The following TAFA2 variants were observed in gnomAD, a reference collection of about 807,000 sequenced individuals.
TAFA2 encodes TAFA chemokine like family member 2.
In TAFA2, 7 loss-of-function variants were observed where a neutral mutation model predicts 18.8. The observed-to-expected ratio is 0.37, with a 90% CI of 0.21 to 0.70. TAFA2 has a LOEUF of 0.70. TAFA2 is among the 30% of genes least tolerant of loss of function. The probability of loss-of-function intolerance (pLI) is 0.53; values close to 1 mark genes in which losing one functional copy is unlikely to be tolerated. For synonymous variants in TAFA2, 60 were observed against 54.2 expected (o/e 1.11, Z -0.47); for missense variants, 122 against 158.1 (o/e 0.77, Z 1.23).
At chr12:62,208,400 T>G (rs774696157) in intron 1 of TAFA2, among the ~76,000 whole-genome samples, 17 of 152,296 alleles carry the variant, frequency 1.1e-4, no homozygotes, top group Middle Eastern at 3.4e-3. Context: ...CATTAGGTTC[T>G]ATGAATATTG....
chr12:61,928,345 A>G (rs994425963), intron 1 of TAFA2, among the ~76,000 whole-genome samples: 1 of 152,222 alleles, frequency 6.6e-6, no homozygotes, highest in Non-Finnish European at 1.5e-5. Flanking sequence ...CCTATCAAAA[A>G]GTGGGCAAAA....
chr12:62,052,138 A>G (rs1882070684), intron 1 of TAFA2, among the ~76,000 whole-genome samples: 2 of 151,912 alleles, frequency 1.3e-5, no homozygotes, highest in Non-Finnish European at 2.9e-5. Flanking sequence ...GACATTTACC[A>G]ATGTCTCTTC....
At position 61,971,966 on chromosome 12, in the gene TAFA2, A is replaced by G. The variant is rs553540533; in HGVS notation, c.-1-104540T>C. On this transcript the variant is annotated intron_variant, in intron 1 of 4. Transcript: ENST00000416284. ...ATTGAGAGTCCAGAAATAAATCTAA[A>G]CAGCCATTGTAAATTGATTTCAACA... Among the ~76,000 whole-genome samples, 342 of 151,850 alleles carry G rather than the reference A, an allele frequency of 2.3e-3. 2 individuals carry two copies. Among genetic ancestry groups the G allele is most frequent in the Non-Finnish European group, 4.1e-3 (279 of 67,788 alleles).
chr12:61,849,448 G>T (rs1412589060), intron 2 of TAFA2, among the ~76,000 whole-genome samples: 1 of 152,274 alleles, frequency 6.6e-6, no homozygotes, highest in Admixed American at 6.5e-5. Flanking sequence ...CACTCATTTT[G>T]CTTGGTAAAT....
chr12:61,875,566 A>G (rs781366024), intron 1 of TAFA2, among the ~76,000 whole-genome samples: 4 of 152,146 alleles, frequency 2.6e-5, no homozygotes, highest in Non-Finnish European at 4.4e-5. Flanking sequence ...AATATAAAAT[A>G]TGTTAGAGCT....
At chr12:62,021,314 C>T (rs1881128017) in intron 1 of TAFA2, among the ~76,000 whole-genome samples, 1 of 151,904 alleles carries the variant, frequency 6.6e-6, no homozygotes, top group African/African-American at 2.4e-5. Flanking sequence ...TTTTGAGGAA[C>T]AGATCGTGTT....
chr12:62,196,866 A>G (rs2062651029), upstream of TAFA2, among the ~76,000 whole-genome samples: 1 of 152,230 alleles, frequency 6.6e-6, no homozygotes, highest in Non-Finnish European at 1.5e-5. Context: ...TTGTAAAAAT[A>G]AAAGAAAATA....
At chr12:61,723,113 G>A (rs1232894157) in intron 4 of TAFA2, among the ~76,000 whole-genome samples, 1 of 151,964 alleles carries the variant, frequency 6.6e-6, no homozygotes, top group Non-Finnish European at 1.5e-5. Context: ...TTTTAGCTTT[G>A]CCTAAAATAC....
chr12:61,926,126 A>G (rs953960429), intron 1 of TAFA2, among the ~76,000 whole-genome samples: 16 of 152,228 alleles, frequency 1.1e-4, no homozygotes, highest in African/African-American at 3.9e-4. Flanking sequence ...TCCTGGTCAC[A>G]TATACCCTTC....
intron 1 of TAFA2, among the ~76,000 whole-genome samples, chr12:62,134,826 A>G (rs1870832258): frequency 6.6e-6 from 1 of 151,920 alleles, no homozygotes; most frequent in Non-Finnish European, 1.5e-5. Flanking sequence ...TTCTCTAGCT[A>G]TATAGGCCTT....
At chr12:61,962,337 G>T (rs2136655212) in intron 1 of TAFA2, among the ~76,000 whole-genome samples, 1 of 152,044 alleles carries the variant, frequency 6.6e-6, no homozygotes, top group East Asian at 1.9e-4. Context: ...TTTCCTTACA[G>T]ATATACTCTA....
At chr12:62,065,051 G>A (rs953863645) in intron 1 of TAFA2, among the ~76,000 whole-genome samples, 17 of 151,966 alleles carry the variant, frequency 1.1e-4, no homozygotes, top group Admixed American at 3.3e-4. Context: ...TTAGATAGCT[G>A]TTGTTGCTAT....
chr12:62,034,615 C>A (rs561535223), intron 1 of TAFA2, among the ~76,000 whole-genome samples: 2 of 152,182 alleles, frequency 1.3e-5, no homozygotes, highest in South Asian at 2.1e-4. Flanking sequence ...AGACAGAGAG[C>A]CAAGCAGGAT....
intron 1 of TAFA2, among the ~76,000 whole-genome samples, chr12:61,941,784 C>G (rs1247464713): frequency 1.3e-5 from 2 of 152,226 alleles, no homozygotes; most frequent in Non-Finnish European, 2.9e-5. Context: ...ATATCCCACA[C>G]CTGGCTCGGA....
chr12:61,997,207 A>C (rs1444304979), intron 1 of TAFA2, among the ~76,000 whole-genome samples: 2 of 123,138 alleles, frequency 1.6e-5, no homozygotes, highest in Admixed American at 8.4e-5. Flanking sequence ...ATATATATAT[A>C]ACCCATTAAG....
rs1229542607 is a variant in TAFA2, at chr12:62,007,160, TGAG to T, written c.-1-139737_-1-139735del. On this transcript the variant is annotated intron_variant, in intron 1 of 4. Coordinates refer to ENST00000416284, the MANE Select transcript of TAFA2 (RefSeq NM_178539.5). ...ACCGCTTCCTATTCCTGGAGCATGCTGAGCATGTCATCTCCCAGGGGCTTTTGC... is the reference window on the plus strand; with the variant it reads ...ACCGCTTCCTATTCCTGGAGCATGCTCATGTCATCTCCCAGGGGCTTTTGC... Among the ~76,000 whole-genome samples the T allele has an allele frequency of 4.6e-4, 70 of 152,284 alleles. 1 individual carries two copies. Among genetic ancestry groups the T allele is most frequent in the African/African-American group, 1.3e-3 (54 of 41,570 alleles).
chr12:62,151,974 A>G (rs1003097972), intron 1 of TAFA2, among the ~76,000 whole-genome samples: 14 of 152,214 alleles, frequency 9.2e-5, no homozygotes, highest in African/African-American at 3.4e-4. Flanking sequence ...AGGGAAAACC[A>G]TGGAAAGCTG....
At chr12:61,969,062 C>T (rs11174261) in intron 1 of TAFA2, among the ~76,000 whole-genome samples, 58,610 of 151,454 alleles carry the variant, frequency 0.39, 11,925 homozygotes, top group East Asian at 0.61. Context: ...ACAGGAAACA[C>T]TGAGCAAGTG....
At chr12:61,879,870 T>C in intron 1 of TAFA2, 1 of 930,282 alleles carries the variant, frequency 1.1e-6, no homozygotes, top group Non-Finnish European at 1.8e-6. Flanking sequence ...CATGATGAGA[T>C]CAATAAGCAT....
Sources: gnomAD v4.1 joint callset for allele counts (sites outside exome capture counted in the v4.1 genomes callset) on GRCh38, gnomAD v4.1.1 for gene constraint, MANE v1.5 for transcripts, NCBI Gene and HGNC (gene_info 2026-07-23, HGNC 2026-07-21) for gene names.